GRK3: variants seen among roughly 807,000 people sequenced by gnomAD.
GRK3 encodes the protein adrenergic, beta, receptor kinase 2.
In GRK3, 54 loss-of-function variants were observed where a neutral mutation model predicts 95.7. The ratio of observed to expected loss-of-function variants is 0.56; its 90% CI spans 0.45 to 0.71. The LOEUF (loss-of-function observed/expected upper bound fraction) is 0.71, where lower values mean the gene tolerates loss of function less well. Ranked by LOEUF, GRK3 falls within the 30% of genes least tolerant of loss-of-function variation. The pLI, the probability that GRK3 is intolerant of heterozygous loss-of-function variation, is 0.00. For missense variants in GRK3, 649 were observed against 851.2 expected, an observed-to-expected ratio of 0.76 and a Z score of 2.96; for synonymous variants, 281 against 290.8, an observed-to-expected ratio of 0.97 and a Z score of 0.34.
chr22:25,690,340 G>T (rs942238666), intron 12 of GRK3, 57 bp downstream of exon 12: 2 of 1,266,918 alleles, frequency 1.6e-6, no homozygotes, highest in Non-Finnish European at 2.3e-6. Context: ...TTTCAAAGGC[G>T]TGGCCATTTG....
chr22:25,655,577 G>A (rs2084864888), intron 3 of GRK3, among the ~76,000 whole-genome samples: 1 of 152,130 alleles, frequency 6.6e-6, no homozygotes. Flanking sequence ...TGTGCCTGCT[G>A]CTTGTGTGTG....
chr22:25,591,369 C>T (rs1401511297), intron 1 of GRK3, among the ~76,000 whole-genome samples: 1 of 152,188 alleles, frequency 6.6e-6, no homozygotes, highest in African/African-American at 2.4e-5. Flanking sequence ...GCTCTCCAAA[C>T]TCTTCAAGAG....
At chr22:25,673,877 C>T (rs1434440388) in intron 7 of GRK3, among the ~76,000 whole-genome samples, 2 of 151,980 alleles carry the variant, frequency 1.3e-5, no homozygotes, top group East Asian at 1.9e-4. Context: ...CCTTGTTTCA[C>T]GCTCACATGG....
chr22:25,609,635 A>G (rs1194602448), intron 2 of GRK3, among the ~76,000 whole-genome samples: 1 of 152,072 alleles, frequency 6.6e-6, no homozygotes, highest in Admixed American at 6.6e-5. Context: ...CAGCCCCCAA[A>G]TCGATACTTA....
intron 1 of GRK3, among the ~76,000 whole-genome samples, chr22:25,570,736 CTG>C (rs1931669785): frequency 6.6e-6 from 1 of 152,184 alleles, no homozygotes; most frequent in South Asian, 2.1e-4. Flanking sequence ...TCTGCTTCTC[CTG>C]TGTCTTACTT....
chr22:25,610,620 A>C (rs1333586493), intron 2 of GRK3, among the ~76,000 whole-genome samples: 1 of 152,090 alleles, frequency 6.6e-6, no homozygotes, highest in Non-Finnish European at 1.5e-5. Context: ...CCTCCTGCCC[A>C]TTTGTCGTTA....
chr22:25,694,429 A>G (rs2146443163), intron 12 of GRK3, among the ~76,000 whole-genome samples: 1 of 152,320 alleles, frequency 6.6e-6, no homozygotes, highest in Non-Finnish European at 1.5e-5. Context: ...GATGGTGCAG[A>G]TTATATATAA....
chr22:25,704,836 C>T (rs940884406), intron 15 of GRK3, among the ~76,000 whole-genome samples: 5 of 152,114 alleles, frequency 3.3e-5, no homozygotes, highest in Admixed American at 3.3e-4. Flanking sequence ...TGATCAGTTT[C>T]TCACATATTT....
intron 11 of GRK3, among the ~76,000 whole-genome samples, chr22:25,688,686 C>A (rs1230848440): frequency 6.6e-6 from 1 of 152,168 alleles, no homozygotes; most frequent in Non-Finnish European, 1.5e-5. Flanking sequence ...TTTTTCCATT[C>A]CAGAACGCGG....
At chr22:25,618,784 C>T (rs1017624884) in intron 2 of GRK3, among the ~76,000 whole-genome samples, 1 of 151,482 alleles carries the variant, frequency 6.6e-6, no homozygotes, top group Non-Finnish European at 1.5e-5. Flanking sequence ...ATGCCCTCAC[C>T]TCAGCAAGAC....
chr22:25,633,630 C>T (rs1601489162), intron 2 of GRK3, among the ~76,000 whole-genome samples: 1 of 151,982 alleles, frequency 6.6e-6, no homozygotes, highest in South Asian at 2.1e-4. Flanking sequence ...ATAAAAATAT[C>T]AATATGGAAT....
intron 5 of GRK3, among the ~76,000 whole-genome samples, chr22:25,667,352 C>T (rs979457397): frequency 2.6e-5 from 4 of 152,184 alleles, no homozygotes; most frequent in Non-Finnish European, 4.4e-5. Context: ...AAACGCAGGG[C>T]TCCTCATACA....
intron 2 of GRK3, among the ~76,000 whole-genome samples, chr22:25,627,058 GT>G (rs565407149): frequency 1.3e-3 from 205 of 152,284 alleles, no homozygotes; most frequent in African/African-American, 4.8e-3. Flanking sequence ...TGGCAGATAA[GT>G]GTCATATTGC....
chr22:25,656,707 G>A (rs549443098), intron 3 of GRK3, among the ~76,000 whole-genome samples: 18 of 152,300 alleles, frequency 1.2e-4, no homozygotes, highest in African/African-American at 4.1e-4. Flanking sequence ...ATCTCTTTGA[G>A]CTTGTATTCT....
chr22:25,612,633 A>G (rs2084507428), intron 2 of GRK3, among the ~76,000 whole-genome samples: 1 of 151,832 alleles, frequency 6.6e-6, no homozygotes, highest in Admixed American at 6.6e-5. Context: ...TTCAGTTTTT[A>G]CTTTTCACTT....
intron 1 of GRK3, among the ~76,000 whole-genome samples, chr22:25,575,812 G>A (rs1931870550): frequency 6.6e-6 from 1 of 152,214 alleles, no homozygotes; most frequent in Admixed American, 6.5e-5. Context: ...GAGGACAGCT[G>A]GTTTTCTCCT....
At chr22:25,572,773 C>G (rs375896188) in intron 1 of GRK3, among the ~76,000 whole-genome samples, 1 of 152,080 alleles carries the variant, frequency 6.6e-6, no homozygotes, top group African/African-American at 2.4e-5. Context: ...AAAAATGAAC[C>G]AAAAATCATG....
chr22:25,705,425 C>G (rs2085292200), intron 15 of GRK3, among the ~76,000 whole-genome samples: 1 of 152,154 alleles, frequency 6.6e-6, no homozygotes, highest in Non-Finnish European at 1.5e-5. Context: ...ATACTGCTTT[C>G]TATTCTGTGA....
intron 9 of GRK3, among the ~76,000 whole-genome samples, chr22:25,683,918 T>A (rs1456285137): frequency 6.6e-6 from 1 of 152,234 alleles, no homozygotes; most frequent in Non-Finnish European, 1.5e-5. Context: ...TTTTGTGGCC[T>A]AAGAAATCTT....
Sources: gnomAD v4.1 joint callset for allele counts (sites outside exome capture counted in the v4.1 genomes callset) on GRCh38, gnomAD v4.1.1 for gene constraint, MANE v1.5 for transcripts, NCBI Gene and HGNC (gene_info 2026-07-23, HGNC 2026-07-21) for gene names.